The following ZDHHC15 variants were observed in gnomAD, a reference collection of about 807,000 sequenced individuals.
ZDHHC15 encodes palmitoyltransferase ZDHHC15.
A neutral mutation model predicts 31.7 loss-of-function variants in ZDHHC15; 19 were observed. The observed-to-expected ratio is 0.60, with a 90% confidence interval of 0.42 to 0.88. The LOEUF (loss-of-function observed/expected upper bound fraction) is 0.88, where lower values mean the gene tolerates loss of function less well. Among genes scored for constraint, ZDHHC15 ranks in the 40% least tolerant of loss-of-function variants. The probability of loss-of-function intolerance (pLI) is 0.00; values close to 1 mark genes in which losing one functional copy is unlikely to be tolerated. For missense variants in ZDHHC15, 209 were observed against 251.2 expected (o/e 0.83, Z 1.14); for synonymous variants, 103 against 90.0 (o/e 1.14, Z -0.82).
chrX:75,429,128 A>G lies in ZDHHC15; in HGVS notation c.553T>C (p.Cys185Arg). The G allele has an allele frequency of 8.3e-7, 1 of 1,208,696 alleles. No individual in the cohort carries two copies. The highest frequency in any genetic ancestry group is 1.1e-6 in the Non-Finnish European group (1 of 893,882). The change falls in exon 7 of 12, where the codon TGC (cysteine) becomes CGC (arginine). Residue 185 changes from cysteine to arginine, a missense_variant. Physicochemically the swap from Cys to Arg is radical, Grantham distance 180. Coordinates refer to ENST00000373367, the MANE Select transcript of ZDHHC15 (RefSeq NM_144969.3). ...AAGACTGTCGTAGCAATGTACAGGC[A>G]GTAGAGAACAGAGTAAGCTAAGAAT... ...LQFLAYSVLY[C>R]LYIATTVFSY...
At chrX:75,479,159 G>C (rs2084651570) in intron 2 of ZDHHC15, among the ~76,000 whole-genome samples, 174 bp from the exon 3 acceptor site, 1 of 111,682 alleles carries the variant, frequency 9.0e-6, no homozygotes. Flanking sequence ...AAGCCATAAT[G>C]ACAAACCTGA....
rs182641316 is a variant in ZDHHC15 at position 75,384,876 on chromosome X, A to T, written c.968-5678T>A. 8.1e-3 allele frequency: 4,130 copies of T among 507,112 alleles called. 16 individuals carry two copies. Among genetic ancestry groups the T allele is most frequent in the Non-Finnish European group, 0.011 (3,030 of 286,903 alleles). 41.8% of individuals were successfully genotyped at this position (507,112 alleles called of 1,213,427 possible). ...AGACATCTGGGCTGTAAAAAAAAAG[A>T]TGGTAAATAATTGACTAAGATTAAA... On this transcript the variant is annotated intron_variant, in intron 10 of 11. Coordinates refer to ENST00000373367, the MANE Select transcript of ZDHHC15 (RefSeq NM_144969.3).
chrX:75,419,942 T>A (rs1602595010), intron 9 of ZDHHC15, among the ~76,000 whole-genome samples: 2 of 60,190 alleles, frequency 3.3e-5, no homozygotes, highest in Middle Eastern at 0.011. Context: ...CACACTGGGG[T>A]CTGTTGTGGG....
intron 3 of ZDHHC15, among the ~76,000 whole-genome samples, chrX:75,456,034 C>T (rs1350358784): frequency 9.0e-6 from 1 of 111,634 alleles, no homozygotes; most frequent in African/African-American, 3.3e-5. Flanking sequence ...AATCATGCTA[C>T]TAGAAAGACA....
intron 2 of ZDHHC15, among the ~76,000 whole-genome samples, chrX:75,490,633 T>C (rs1602719619): frequency 8.9e-6 from 1 of 111,773 alleles, no homozygotes; most frequent in East Asian, 2.8e-4. Context: ...GCATGGAATG[T>C]TCTTCCATTT....
At chrX:75,382,621 C>T (rs761259681) in intron 10 of ZDHHC15, among the ~76,000 whole-genome samples, 1 of 111,718 alleles carries the variant, frequency 9.0e-6, no homozygotes, top group Non-Finnish European at 1.9e-5. Flanking sequence ...AAGTGTATAT[C>T]GAGAGAATAC....
At chrX:75,498,277 G>A (rs998802643) in intron 2 of ZDHHC15, among the ~76,000 whole-genome samples, 11 of 110,439 alleles carry the variant, frequency 1.0e-4, no homozygotes, top group Middle Eastern at 4.6e-3. Context: ...AGAAGTCCTA[G>A]CCAGAGCGAT....
Position 75,436,808 on chromosome X carries a change from T to C in ZDHHC15, c.380-5288A>G, listed in dbSNP as rs185005854. On this transcript the variant is annotated intron_variant, in intron 4 of 11. Coordinates refer to ENST00000373367, the MANE Select transcript of ZDHHC15 (RefSeq NM_144969.3). ...GTGCTAATGAATAGAATGTATATTC[T>C]GCAGTAGTTGGGTAGAATGTTCTGT... Among the ~76,000 whole-genome samples the C allele has an allele frequency of 1.8e-3, 199 of 113,128 alleles. 1 individual carries two copies. The highest frequency in any genetic ancestry group is 2.8e-3 in the Non-Finnish European group (150 of 53,396).
chrX:75,517,212 A>T (rs1327457261), intron 1 of ZDHHC15, among the ~76,000 whole-genome samples: 1 of 111,682 alleles, frequency 9.0e-6, no homozygotes, highest in African/African-American at 3.3e-5. Flanking sequence ...AGAAATACTA[A>T]TTGACCCAGA....
At chrX:75,445,135 T>C (rs961582855) in intron 4 of ZDHHC15, among the ~76,000 whole-genome samples, 15 of 111,487 alleles carry the variant, frequency 1.3e-4, no homozygotes, top group Non-Finnish European at 2.4e-4. Flanking sequence ...ATGTAAATAA[T>C]GTAAATAATA....
intron 3 of ZDHHC15, among the ~76,000 whole-genome samples, chrX:75,465,562 C>A (rs1229633654): frequency 1.8e-5 from 2 of 111,734 alleles, no homozygotes; most frequent in African/African-American, 3.3e-5. Context: ...TACAAGGCTA[C>A]AGTAACCAAA....
Position 75,372,105 on chromosome X carries a change from C to T in ZDHHC15, c.*873G>A, listed in dbSNP as rs12557704. 2.7e-5 allele frequency: 3 copies of T among 111,857 alleles called. No homozygotes were observed. Among genetic ancestry groups the T allele is most frequent in the Non-Finnish European group, 3.8e-5 (2 of 53,150 alleles). The allele number at this position is 111,857 out of a possible 1,213,427, so 9.2% of individuals were successfully genotyped here. On this transcript the variant is annotated 3_prime_UTR_variant, in exon 12 of 12. Coordinates refer to ENST00000373367, the MANE Select transcript of ZDHHC15 (RefSeq NM_144969.3). Reference sequence around the variant, plus strand: ...GCCATAACTTAGGCTTATAGATTTTCTTTCATCATAAAATAACTCATAAAG... The same window carrying T: ...GCCATAACTTAGGCTTATAGATTTTTTTTCATCATAAAATAACTCATAAAG...
chrX:75,397,542 T>TAA (rs143873620), intron 10 of ZDHHC15, among the ~76,000 whole-genome samples: 309 of 105,254 alleles, frequency 2.9e-3, no homozygotes, highest in Admixed American at 4.1e-3. Context: ...AAATTAAAAA[T>TAA]AAAAAAAAAC....
chrX:75,494,963 C>T (rs906512210), intron 2 of ZDHHC15, among the ~76,000 whole-genome samples: 44 of 111,764 alleles, frequency 3.9e-4, no homozygotes, highest in Non-Finnish European at 7.5e-4. Context: ...ATCTTCTGCA[C>T]AGCAAAAGAA....
chrX:75,467,257 T>C (rs901631096), intron 3 of ZDHHC15, among the ~76,000 whole-genome samples: 2 of 112,165 alleles, frequency 1.8e-5, no homozygotes, highest in Non-Finnish European at 3.8e-5. Context: ...GGTGGCACTT[T>C]AATTTCTGGG....
At chrX:75,417,617 C>T (rs189922574) in intron 9 of ZDHHC15, among the ~76,000 whole-genome samples, 9 of 111,749 alleles carry the variant, frequency 8.1e-5, no homozygotes, top group Non-Finnish European at 1.1e-4. Context: ...AAAGACAATG[C>T]GCAAATGCAC....
chrX:75,498,039 T>C (rs1293642117), intron 2 of ZDHHC15, among the ~76,000 whole-genome samples: 1 of 109,184 alleles, frequency 9.2e-6, no homozygotes, highest in Non-Finnish European at 1.9e-5. Flanking sequence ...GTTCAAGCGA[T>C]TCTCCTGCCT....
chrX:75,458,033 T>C (rs1035814899), intron 3 of ZDHHC15, among the ~76,000 whole-genome samples: 1 of 111,466 alleles, frequency 9.0e-6, no homozygotes, highest in African/African-American at 3.3e-5. Flanking sequence ...TGTACAAGAA[T>C]GTTCATTGGA....
chrX:75,429,247 G>A (rs1486181101), intron 6 of ZDHHC15, 49 bp from the exon 7 acceptor site: 1 of 1,164,564 alleles, frequency 8.6e-7, no homozygotes, highest in East Asian at 3.0e-5. Context: ...TTGATTGAGA[G>A]CACACTGATA....
Sources: gnomAD v4.1 joint callset for allele counts (sites outside exome capture counted in the v4.1 genomes callset) on GRCh38, gnomAD v4.1.1 for gene constraint, MANE v1.5 for transcripts, NCBI Gene and HGNC (gene_info 2026-07-23, HGNC 2026-07-21) for gene names.